EXOC6B: variants seen among roughly 807,000 people sequenced by gnomAD.
EXOC6B encodes the protein exocyst complex component 6B, also known as SEC15 homolog B.
A neutral mutation model predicts 113.5 loss-of-function variants in EXOC6B; 54 were observed. That is an observed-to-expected ratio of 0.48 (90% CI 0.38 to 0.60). The LOEUF (loss-of-function observed/expected upper bound fraction) is 0.60. EXOC6B is among the 20% of genes least tolerant of loss of function. EXOC6B has a pLI of 0.00. For synonymous variants in EXOC6B, 357 were observed against 339.0 expected, an observed-to-expected ratio of 1.05 and a Z score of -0.58; for missense variants, 797 against 977.5, an observed-to-expected ratio of 0.82 and a Z score of 2.46.
At chr2:72,470,854 T>A (rs1300677673) in intron 17 of EXOC6B, among the ~76,000 whole-genome samples, 2 of 152,182 alleles carry the variant, frequency 1.3e-5, no homozygotes, top group African/African-American at 2.4e-5. Context: ...CTTTTCTTGA[T>A]CCAGTCTATC....
intron 6 of EXOC6B, among the ~76,000 whole-genome samples, chr2:72,594,265 G>A (rs986031154): frequency 2.6e-5 from 4 of 152,152 alleles, no homozygotes; most frequent in African/African-American, 9.7e-5. Flanking sequence ...TTACAGGCAT[G>A]AGCCACCACA....
intron 20 of EXOC6B, among the ~76,000 whole-genome samples, chr2:72,234,301 T>C (rs1573052651): frequency 6.6e-6 from 1 of 152,060 alleles, no homozygotes; most frequent in African/African-American, 2.4e-5. Context: ...GCCAGGCTGG[T>C]CTTGAACTCC....
chr2:72,671,790 A>AGAAAGAAAGAAAGAAG (rs1558903044), intron 6 of EXOC6B, among the ~76,000 whole-genome samples: 3 of 107,508 alleles, frequency 2.8e-5, no homozygotes, highest in African/African-American at 1.5e-4. Flanking sequence ...AAAGAAAGAA[A>AGAAAGAAAGAAAGAAG]GAAAGAAAGA....
chr2:72,699,858 C>T (rs946820235), intron 6 of EXOC6B, among the ~76,000 whole-genome samples: 2 of 152,146 alleles, frequency 1.3e-5, no homozygotes, highest in African/African-American at 4.8e-5. Flanking sequence ...GCACTACACA[C>T]AAAATCTAAG....
chr2:72,273,074 A>G (rs958317401), intron 20 of EXOC6B, among the ~76,000 whole-genome samples: 1 of 152,148 alleles, frequency 6.6e-6, no homozygotes, highest in Admixed American at 6.6e-5. Flanking sequence ...TATAATGGCA[A>G]TAATCACTTC....
intron 6 of EXOC6B, among the ~76,000 whole-genome samples, chr2:72,639,186 T>C (rs1377932327): frequency 3.3e-5 from 5 of 152,142 alleles, no homozygotes; most frequent in Non-Finnish European, 5.9e-5. Context: ...GAGTACAGTG[T>C]TCCCCCTGCC....
chr2:72,657,282 G>T (rs1674652984), intron 6 of EXOC6B, among the ~76,000 whole-genome samples: 1 of 138,420 alleles, frequency 7.2e-6, no homozygotes, highest in African/African-American at 2.6e-5. Context: ...CTGGACTGCA[G>T]TGGCGCTACC....
At chr2:72,325,140 T>C (rs989377112) in intron 20 of EXOC6B, among the ~76,000 whole-genome samples, 9 of 152,188 alleles carry the variant, frequency 5.9e-5, no homozygotes, top group Admixed American at 2.0e-4. Context: ...CATGCCCACG[T>C]TGAATTTCAT....
intron 16 of EXOC6B, among the ~76,000 whole-genome samples, chr2:72,486,914 C>A (rs1699455097): frequency 1.3e-5 from 2 of 151,636 alleles, no homozygotes; most frequent in African/African-American, 4.8e-5. Context: ...TGCTAGCTAT[C>A]ACCCCATTTC....
chr2:72,735,273 C>T (rs949016418), intron 2 of EXOC6B, among the ~76,000 whole-genome samples: 2 of 152,110 alleles, frequency 1.3e-5, no homozygotes, highest in Admixed American at 1.3e-4. Context: ...TCACCTTAAA[C>T]TCACTGTAAA....
chr2:72,562,643 CAT>C (rs1703949182), intron 7 of EXOC6B, among the ~76,000 whole-genome samples: 1 of 152,140 alleles, frequency 6.6e-6, no homozygotes, highest in South Asian at 2.1e-4. Flanking sequence ...GCATTTTACA[CAT>C]GTCCAAATTT....
chr2:72,226,004 C>T (rs1394265450), intron 20 of EXOC6B, among the ~76,000 whole-genome samples: 3 of 152,230 alleles, frequency 2.0e-5, no homozygotes, highest in Non-Finnish European at 2.9e-5. Flanking sequence ...GTGACTCTCT[C>T]GCCACACCCT....
chr2:72,747,893 C>G (rs1398393201), intron 1 of EXOC6B, among the ~76,000 whole-genome samples: 4 of 152,034 alleles, frequency 2.6e-5, no homozygotes, highest in Non-Finnish European at 5.9e-5. Context: ...TAAACTATAT[C>G]TGATTGTCCA....
intron 19 of EXOC6B, among the ~76,000 whole-genome samples, chr2:72,338,194 A>G (rs1688805098): frequency 6.6e-6 from 1 of 152,194 alleles, no homozygotes; most frequent in Non-Finnish European, 1.5e-5. Context: ...AAAAATGAGG[A>G]TAATACAGCA....
intron 5 of EXOC6B, among the ~76,000 whole-genome samples, chr2:72,725,722 T>C (rs1441735893): frequency 6.6e-6 from 1 of 152,188 alleles, no homozygotes; most frequent in Non-Finnish European, 1.5e-5. Flanking sequence ...TTGGCTAGGC[T>C]ATGCAGAAAT....
intron 6 of EXOC6B, among the ~76,000 whole-genome samples, chr2:72,577,907 T>C (rs142769336): frequency 1.4e-3 from 210 of 152,176 alleles, no homozygotes; most frequent in African/African-American, 4.8e-3. Flanking sequence ...AGCTAGATCT[T>C]AGAAAGCATC....
chr2:72,391,476 T>G (rs1173922613), intron 18 of EXOC6B, among the ~76,000 whole-genome samples: 1 of 152,152 alleles, frequency 6.6e-6, no homozygotes, highest in Non-Finnish European at 1.5e-5. Context: ...ACTTTTTTCT[T>G]TAATATTGGC....
At chr2:72,369,284 C>T (rs1017372889) in intron 19 of EXOC6B, among the ~76,000 whole-genome samples, 1 of 152,070 alleles carries the variant, frequency 6.6e-6, no homozygotes, top group Non-Finnish European at 1.5e-5. Context: ...GAATAAAATA[C>T]CTAGGAATCC....
chr2:72,456,695 T>C (rs1362266915), intron 18 of EXOC6B, among the ~76,000 whole-genome samples: 1 of 152,082 alleles, frequency 6.6e-6, no homozygotes, highest in Non-Finnish European at 1.5e-5. Flanking sequence ...ACTTATCTGA[T>C]GGGGGTATTT....
Sources: allele counts gnomAD v4.1 joint callset (sites outside exome capture counted in the v4.1 genomes callset), GRCh38; gene constraint gnomAD v4.1.1; transcripts MANE v1.5; gene names NCBI Gene and HGNC (gene_info 2026-07-23, HGNC 2026-07-21).